KLF12: variants seen among roughly 807,000 people sequenced by gnomAD.
KLF12 encodes Krueppel-like factor 12.
Under a neutral mutation model 37.8 loss-of-function variants are expected in KLF12, and 9 were observed. That is an observed-to-expected ratio of 0.24 (90% CI 0.14 to 0.42). KLF12 has a LOEUF of 0.42. Among genes scored for constraint, KLF12 ranks in the 10% least tolerant of loss-of-function variants. The pLI is 1.00. For synonymous variants in KLF12, 208 were observed against 202.1 expected (o/e 1.03, Z -0.25); for missense variants, 411 against 516.0 (o/e 0.80, Z 1.97).
intron 6 of KLF12, among the ~76,000 whole-genome samples, chr13:73,721,960 C>T (rs1484980437): frequency 6.6e-6 from 1 of 152,086 alleles, no homozygotes; most frequent in Non-Finnish European, 1.5e-5. Context: ...ACCATTAATG[C>T]CACAAAATTA....
intron 3 of KLF12, among the ~76,000 whole-genome samples, chr13:73,923,401 A>G (rs78080172): frequency 0.011 from 1,649 of 152,192 alleles, 30 homozygotes; most frequent in African/African-American, 0.036. Flanking sequence ...CCCAACTCTC[A>G]CGGAGTTTTA....
In KLF12 at chr13:74,060,684, T is replaced by G. The variant is rs144710304; in HGVS notation, c.-31-65631A>C. Among the ~76,000 whole-genome samples, 310 of 152,278 alleles carry G rather than the reference T, an allele frequency of 2.0e-3. 3 individuals carry two copies. Among genetic ancestry groups the G allele is most frequent in the African/African-American group, 7.1e-3 (293 of 41,542 alleles). On this transcript the variant is annotated intron_variant, in intron 1 of 7. Transcript: ENST00000377669. ...AGCCTTTCCAAAAAGTCTTTTGGGT[T>G]TTCTAGGTATAAGATCATGCCATCA...
chr13:73,835,427 AAG>A (rs1444544729), intron 4 of KLF12, among the ~76,000 whole-genome samples: 3 of 152,184 alleles, frequency 2.0e-5, no homozygotes, highest in Non-Finnish European at 4.4e-5. Flanking sequence ...GTTGATATGA[AAG>A]AGAAAAATCA....
upstream of KLF12, among the ~76,000 whole-genome samples, chr13:74,136,276 T>C (rs1413942045): frequency 1.3e-5 from 2 of 152,170 alleles, no homozygotes; most frequent in South Asian, 4.2e-4. Flanking sequence ...TTCCGGGGAA[T>C]GCAGCCGCAA....
At chr13:73,887,575 G>A (rs913027413) in intron 3 of KLF12, among the ~76,000 whole-genome samples, 9 of 152,108 alleles carry the variant, frequency 5.9e-5, no homozygotes, top group Non-Finnish European at 1.5e-5. Context: ...AGATGTTGGT[G>A]CCATGCTTCT....
chr13:74,202,165 G>C, the KLF12 span, among the ~76,000 whole-genome samples: 1 of 152,120 alleles, frequency 6.6e-6, no homozygotes, highest in African/African-American at 2.4e-5. Context: ...TTTCCACCAA[G>C]CAAAAGCAAC....
At chr13:73,751,585 G>A (rs1293770002) in intron 6 of KLF12, among the ~76,000 whole-genome samples, 2 of 152,032 alleles carry the variant, frequency 1.3e-5, no homozygotes, top group Non-Finnish European at 2.9e-5. Flanking sequence ...AATAAATGTG[G>A]GTTATGACAG....
At chr13:74,091,995 T>TAAAA (rs55924732) in intron 1 of KLF12, among the ~76,000 whole-genome samples, 1 of 144,720 alleles carries the variant, frequency 6.9e-6, no homozygotes, top group Non-Finnish European at 1.5e-5. Flanking sequence ...AAGCAACCTT[T>TAAAA]AAAAAAAAAA....
chr13:74,115,822 G>A (rs1407762849), intron 1 of KLF12, among the ~76,000 whole-genome samples: 1 of 151,760 alleles, frequency 6.6e-6, no homozygotes. Context: ...TATTCTTATT[G>A]CCTTCTCCTC....
At chr13:73,939,980 C>G (rs1186507893) in intron 3 of KLF12, among the ~76,000 whole-genome samples, 2 of 152,168 alleles carry the variant, frequency 1.3e-5, no homozygotes, top group East Asian at 3.9e-4. Context: ...AGCACCCCCA[C>G]TGTATGGATG....
upstream of KLF12, among the ~76,000 whole-genome samples, chr13:74,137,901 C>G (rs540886664): frequency 1.6e-4 from 24 of 152,236 alleles, no homozygotes; most frequent in Admixed American, 1.5e-3. Context: ...GCTAGGATTA[C>G]GGGCATGCGC....
At chr13:74,098,803 C>A (rs930738978) in intron 1 of KLF12, among the ~76,000 whole-genome samples, 2 of 152,126 alleles carry the variant, frequency 1.3e-5, no homozygotes, top group Non-Finnish European at 2.9e-5. Flanking sequence ...ATTTTGCTAA[C>A]TAGTTTATGT....
At chr13:74,291,158 A>T in the KLF12 span, among the ~76,000 whole-genome samples, 29 of 152,320 alleles carry the variant, frequency 1.9e-4, no homozygotes, top group African/African-American at 6.5e-4. Context: ...TTTTATTTTT[A>T]AATCAGTTAG....
At chr13:73,991,704 C>T (rs1410111417) in intron 2 of KLF12, among the ~76,000 whole-genome samples, 1 of 152,134 alleles carries the variant, frequency 6.6e-6, no homozygotes, top group Non-Finnish European at 1.5e-5. Context: ...TTTTATTGTC[C>T]AGGCAACTAC....
chr13:74,226,728 A>C, the KLF12 span, among the ~76,000 whole-genome samples: 1 of 152,184 alleles, frequency 6.6e-6, no homozygotes, highest in African/African-American at 2.4e-5. Context: ...TTTGCAATTA[A>C]GCCAGAAGAT....
intron 1 of KLF12, among the ~76,000 whole-genome samples, chr13:74,108,242 A>T (rs930564839): frequency 5.4e-4 from 82 of 152,252 alleles, no homozygotes; most frequent in African/African-American, 1.9e-3. Context: ...AATAAACCAT[A>T]TATCATTCTT....
At chr13:73,875,764 C>T (rs139595848) in intron 3 of KLF12, among the ~76,000 whole-genome samples, 47 of 152,160 alleles carry the variant, frequency 3.1e-4, no homozygotes, top group African/African-American at 1.1e-3. Flanking sequence ...TATTTTCATG[C>T]TATTTTTAAA....
chr13:73,715,495 T>C lies in KLF12; in HGVS notation c.900A>G (p.Thr300=). 4 of 1,614,058 alleles carry C rather than the reference T, an allele frequency of 2.5e-6. No individual in the cohort carries two copies. Among genetic ancestry groups the C allele is most frequent in the Non-Finnish European group, 3.4e-6 (4 of 1,179,972 alleles). Residue 300 remains threonine, a synonymous_variant, in exon 7 of 8, where the codon ACA becomes ACG. Transcript: ENST00000377669. The stretch of plus-strand genomic sequence containing the variant: ...GGGATTCAGACCGTCTCTGGCGTCT[T>C]GTGCTCTCAATACTAAATGGTGAAA...
At chr13:74,020,076 T>C (rs1157106803) in intron 1 of KLF12, among the ~76,000 whole-genome samples, 8 of 152,240 alleles carry the variant, frequency 5.3e-5, no homozygotes, top group Non-Finnish European at 2.9e-5. Context: ...TACATGGAAT[T>C]TGGTTATAAA....
Sources: allele counts gnomAD v4.1 joint callset (sites outside exome capture counted in the v4.1 genomes callset), GRCh38; gene constraint gnomAD v4.1.1; transcripts MANE v1.5; gene names NCBI Gene and HGNC (gene_info 2026-07-23, HGNC 2026-07-21).